CACNA2D2: variants seen among roughly 807,000 people sequenced by gnomAD.
The protein encoded by CACNA2D2 is voltage-dependent calcium channel subunit alpha-2/delta-2.
Under a neutral mutation model 166.4 loss-of-function variants are expected in CACNA2D2, and 48 were observed. The observed-to-expected ratio is 0.29, with a 90% confidence interval of 0.23 to 0.37. The LOEUF (loss-of-function observed/expected upper bound fraction) is 0.37. Among genes scored for constraint, CACNA2D2 ranks in the 10% least tolerant of loss-of-function variants. The pLI is 1.00. For missense variants in CACNA2D2, 1,122 were observed against 1,433.0 expected, an observed-to-expected ratio of 0.78 and a Z score of 3.50; for synonymous variants, 561 against 573.7, an observed-to-expected ratio of 0.98 and a Z score of 0.32.
intron 2 of CACNA2D2, among the ~76,000 whole-genome samples, chr3:50,465,188 C>A (rs566593095): frequency 6.6e-6 from 1 of 152,364 alleles, no homozygotes; most frequent in Non-Finnish European, 1.5e-5. Context: ...CATTTGAACA[C>A]AAAGGCAGCG....
At chr3:50,452,320 G>T (rs1709138744) in intron 2 of CACNA2D2, among the ~76,000 whole-genome samples, 1 of 152,336 alleles carries the variant, frequency 6.6e-6, no homozygotes, top group African/African-American at 2.4e-5. Flanking sequence ...GTACTCTCCA[G>T]TAAACACCTG....
intron 4 of CACNA2D2, among the ~76,000 whole-genome samples, chr3:50,387,973 T>C (rs2106704047): frequency 6.6e-6 from 1 of 152,274 alleles, no homozygotes; most frequent in Middle Eastern, 3.4e-3. Context: ...AGAGCCGAGT[T>C]TGGGCAGGAG....
intron 3 of CACNA2D2, among the ~76,000 whole-genome samples, chr3:50,419,601 G>T (rs1029373062): frequency 2.0e-5 from 3 of 152,136 alleles, no homozygotes; most frequent in Admixed American, 6.5e-5. Flanking sequence ...GCACCCTCAT[G>T]GGAAAGTCGG....
chr3:50,379,125 G>C lies in CACNA2D2; in HGVS notation c.1227C>G (p.Asp409Glu). 6.2e-7 allele frequency: 1 copy of C among 1,613,978 alleles called. No individual in the cohort carries two copies. ...FTDGGEDRVQ[D>E]VFEKYNWPNR... ...TTGGCCAATTGTACTTCTCAAAGAC[G>C]TCCTGCACGCGGTCCTCACCACCAT... The change falls in exon 12 of 38, where the codon GAC becomes GAG. Residue 409 changes from aspartate (D) to glutamate (E), a missense_variant. Asp to Glu is a conservative substitution (Grantham distance 45). Transcript: ENST00000424201. The surrounding 1 kb of genome is among the most constrained non-coding windows in gnomAD (Gnocchi z 6.5).
At chr3:50,485,559 G>A (rs947141129) in intron 1 of CACNA2D2, among the ~76,000 whole-genome samples, 20 of 152,272 alleles carry the variant, frequency 1.3e-4, no homozygotes, top group South Asian at 6.2e-4. Flanking sequence ...ATCTGGATTC[G>A]GGGCCCATGG....
At chr3:50,381,952 G>A (rs1157552365) in intron 6 of CACNA2D2, among the ~76,000 whole-genome samples, 1 of 149,658 alleles carries the variant, frequency 6.7e-6, no homozygotes, top group African/African-American at 2.5e-5. Flanking sequence ...GTAGTTGCAC[G>A]TGTGTGATCC....
intron 2 of CACNA2D2, among the ~76,000 whole-genome samples, chr3:50,442,223 C>T (rs1018108021): frequency 2.6e-5 from 4 of 152,158 alleles, no homozygotes; most frequent in Non-Finnish European, 1.5e-5. Flanking sequence ...CCCAAATGGC[C>T]CTGGGCAAGG....
chr3:50,418,682 G>A (rs970593793), intron 3 of CACNA2D2, among the ~76,000 whole-genome samples: 8 of 152,228 alleles, frequency 5.3e-5, no homozygotes, highest in Admixed American at 1.3e-4. Flanking sequence ...TCTTCTCTGC[G>A]GCATCCTGGT....
intron 3 of CACNA2D2, among the ~76,000 whole-genome samples, chr3:50,412,519 C>T (rs573415329): frequency 1.3e-5 from 2 of 151,254 alleles, no homozygotes; most frequent in African/African-American, 4.9e-5. Flanking sequence ...TCCCAGGTCT[C>T]GTGCATCCCA....
chr3:50,469,177 C>A (rs1709959004), intron 2 of CACNA2D2, among the ~76,000 whole-genome samples: 1 of 152,104 alleles, frequency 6.6e-6, no homozygotes, highest in Non-Finnish European at 1.5e-5. Flanking sequence ...AAGGTGTCAA[C>A]TTGTTGACTG....
At chr3:50,449,963 T>C (rs1444103788) in intron 2 of CACNA2D2, among the ~76,000 whole-genome samples, 1 of 152,076 alleles carries the variant, frequency 6.6e-6, no homozygotes, top group Non-Finnish European at 1.5e-5. Flanking sequence ...GGAGGGGACA[T>C]AGTGGGAGGT....
chr3:50,426,355 C>T (rs1707807058), intron 3 of CACNA2D2, among the ~76,000 whole-genome samples: 2 of 152,178 alleles, frequency 1.3e-5, no homozygotes, highest in Non-Finnish European at 2.9e-5. Context: ...ATGGCACTCC[C>T]AGGGGAGGCA....
intron 1 of CACNA2D2, among the ~76,000 whole-genome samples, chr3:50,482,089 T>C (rs1261933918): frequency 6.6e-6 from 1 of 152,188 alleles, no homozygotes; most frequent in Non-Finnish European, 1.5e-5. Flanking sequence ...ACCTCTGCAG[T>C]CTTCTGAAGG....
chr3:50,417,430 C>T lies in CACNA2D2; in HGVS notation c.405+16883G>A, dbSNP rs188107027. On this transcript the variant is annotated intron_variant, in intron 3 of 37. Coordinates refer to ENST00000424201, the MANE Select transcript of CACNA2D2 (RefSeq NM_006030.4). ...GAACTCTAAAGGGCACTTGGGGGGT[C>T]TCTTTTGCTGACATCAGCAGCTGCT... Among the ~76,000 whole-genome samples the T allele has an allele frequency of 1.5e-3, 223 of 152,342 alleles. 1 individual carries two copies. Among genetic ancestry groups the T allele is most frequent in the Non-Finnish European group, 2.1e-4 (14 of 68,030 alleles).
At chr3:50,382,620 T>C (rs1366393861) in intron 6 of CACNA2D2, among the ~76,000 whole-genome samples, 1 of 152,274 alleles carries the variant, frequency 6.6e-6, no homozygotes, top group Admixed American at 6.5e-5. Flanking sequence ...GTTATGGTCC[T>C]GTTCCTAATT....
Position 50,366,708 on chromosome 3 carries a change from C to T in CACNA2D2, c.2590-83G>A. On this transcript the variant is annotated intron_variant, in intron 29 of 37. Coordinates refer to ENST00000424201, the MANE Select transcript of CACNA2D2 (RefSeq NM_006030.4). This position sits in a 1 kb window ranked among gnomAD's most constrained non-coding sequence, Gnocchi z 5.9. Reference sequence around the variant, plus strand: ...CCTTTCATACATCCGGTTCCCCAGGCCATCTGCAGCTGGCCCTGCCTCCAT... The same window carrying T: ...CCTTTCATACATCCGGTTCCCCAGGTCATCTGCAGCTGGCCCTGCCTCCAT... 6.3e-7 allele frequency: 1 copy of T among 1,579,416 alleles called. No homozygotes were observed. Among genetic ancestry groups the T allele is most frequent in the Non-Finnish European group, 8.7e-7 (1 of 1,150,946 alleles).
Position 50,365,340 on chromosome 3 carries a change from G to A in CACNA2D2, c.3098+16C>T, listed in dbSNP as rs773527612. On this transcript the variant is annotated intron_variant, in intron 35 of 37. Transcript: ENST00000424201. This position sits in a 1 kb window ranked among gnomAD's most constrained non-coding sequence, Gnocchi z 4.5. ...GGTTCCGCCCTTGGCCTCTGGTCCC[G>A]CCCCACTGCCAGCACCTGGAGCAGT... 1.7e-5 allele frequency: 27 copies of A among 1,603,776 alleles called. No individual in the cohort carries two copies. The Middle Eastern group carries it at 1.7e-3, about 98-fold the overall frequency.
intron 1 of CACNA2D2, among the ~76,000 whole-genome samples, chr3:50,498,252 G>C (rs1698806130): frequency 6.6e-6 from 1 of 152,134 alleles, no homozygotes; most frequent in Non-Finnish European, 1.5e-5. Flanking sequence ...ACAAGCCCTT[G>C]AACGCTGGTT....
At position 50,410,722 on chromosome 3, in the gene CACNA2D2, A is replaced by G. The variant is rs1223174182; in HGVS notation, c.406-16554T>C. On this transcript the variant is annotated intron_variant, in intron 3 of 37. Coordinates refer to ENST00000424201, the MANE Select transcript of CACNA2D2 (RefSeq NM_006030.4). ...GGGGGTAAGTGGGACCCCTGTGACC[A>G]GGCCTCTTGGGTGTCCACGGAGGGA... Among the ~76,000 whole-genome samples the G allele has an allele frequency of 2.0e-5, 3 of 152,222 alleles. No individual in the cohort carries two copies. The East Asian group carries it at 5.8e-4, about 29-fold the overall frequency.
Sources: gnomAD v4.1 joint callset for allele counts (sites outside exome capture counted in the v4.1 genomes callset) on GRCh38, gnomAD v4.1.1 for gene constraint, Gnocchi (gnomAD v3.1) non-coding constraint, MANE v1.5 for transcripts, NCBI Gene and HGNC (gene_info 2026-07-23, HGNC 2026-07-21) for gene names.